Variants in CCDC171 observed in about 807,000 individuals in gnomAD.
CCDC171 encodes the protein coiled-coil domain containing 171, also known as coiled-coil domain-containing protein 171.
A neutral mutation model predicts 168.2 loss-of-function variants in CCDC171; 177 were observed. That is an observed-to-expected ratio of 1.05 (90% CI 0.93 to 1.19). The LOEUF (loss-of-function observed/expected upper bound fraction) is 1.19, where lower values mean the gene tolerates loss of function less well. Among genes scored for constraint, CCDC171 ranks in the 50% most tolerant of loss-of-function variants. The probability of loss-of-function intolerance (pLI) is 0.00; values close to 1 mark genes in which losing one functional copy is unlikely to be tolerated. For missense variants in CCDC171, 1,991 were observed against 1,539.0 expected, an observed-to-expected ratio of 1.29 and a Z score of -4.91; for synonymous variants, 687 against 540.8, an observed-to-expected ratio of 1.27 and a Z score of -3.75.
chr9:15,613,509 T>C (rs1564052297), intron 6 of CCDC171, among the ~76,000 whole-genome samples: 1 of 151,302 alleles, frequency 6.6e-6, no homozygotes, highest in Non-Finnish European at 1.5e-5. Context: ...TTGATTTGCA[T>C]TTTTCTTTTT....
At chr9:15,941,805 G>A (rs748976864) in intron 25 of CCDC171, among the ~76,000 whole-genome samples, 2 of 151,824 alleles carry the variant, frequency 1.3e-5, no homozygotes, top group African/African-American at 2.4e-5. Flanking sequence ...AGCATAAAAT[G>A]CAAAGAACTA....
intron 18 of CCDC171, among the ~76,000 whole-genome samples, chr9:15,756,665 T>G (rs1165385131): frequency 6.6e-6 from 1 of 152,184 alleles, no homozygotes; most frequent in Non-Finnish European, 1.5e-5. Context: ...TTAATTTGCT[T>G]AGGATAATGG....
chr9:15,608,538 C>G (rs2043390455), intron 6 of CCDC171, among the ~76,000 whole-genome samples: 1 of 151,886 alleles, frequency 6.6e-6, no homozygotes, highest in Non-Finnish European at 1.5e-5. Flanking sequence ...CTTAAATTTC[C>G]ACTTCCTTGA....
intron 3 of CCDC171, among the ~76,000 whole-genome samples, chr9:16,017,907 A>G (rs1833069829): frequency 6.6e-6 from 1 of 152,226 alleles, no homozygotes; most frequent in South Asian, 2.1e-4. Context: ...TGCCTCATGA[A>G]GCCATCACAA....
intron 10 of CCDC171, among the ~76,000 whole-genome samples, chr9:15,693,199 C>T (rs1367392513): frequency 2.1e-5 from 1 of 47,860 alleles, no homozygotes; most frequent in African/African-American, 6.9e-5. Context: ...TCTGCGTTTA[C>T]AAATAGGTAC....
At chr9:15,623,820 G>A (rs1017875340) in intron 7 of CCDC171, among the ~76,000 whole-genome samples, 1 of 152,182 alleles carries the variant, frequency 6.6e-6, no homozygotes, top group African/African-American at 2.4e-5. Flanking sequence ...TTTGAATCAT[G>A]TATGGTTTTG....
chr9:15,598,782 C>CT (rs1236564234), intron 6 of CCDC171, among the ~76,000 whole-genome samples: 4 of 152,276 alleles, frequency 2.6e-5, no homozygotes, highest in African/African-American at 9.6e-5. Flanking sequence ...GTGTGGGAGT[C>CT]TAAGTCCTTT....
At chr9:16,007,769 C>A (rs1313450087) in intron 3 of CCDC171, among the ~76,000 whole-genome samples, 1 of 152,174 alleles carries the variant, frequency 6.6e-6, no homozygotes, top group Non-Finnish European at 1.5e-5. Context: ...TCTGAGGGCT[C>A]TGTTCTGTTC....
chr9:15,608,118 C>G (rs976975700), intron 6 of CCDC171, among the ~76,000 whole-genome samples: 4 of 152,222 alleles, frequency 2.6e-5, no homozygotes, highest in South Asian at 4.2e-4. Context: ...GCCACCAGTT[C>G]TACTGCCATG....
intron 10 of CCDC171, among the ~76,000 whole-genome samples, chr9:15,690,170 A>G (rs2050689294): frequency 6.6e-6 from 1 of 152,186 alleles, no homozygotes; most frequent in Non-Finnish European, 1.5e-5. Context: ...TAGTAGGGAC[A>G]ACACTGTTCT....
intron 9 of CCDC171, among the ~76,000 whole-genome samples, chr9:15,674,200 G>C (rs180900853): frequency 1.1e-4 from 16 of 152,178 alleles, no homozygotes; most frequent in Admixed American, 9.2e-4. Flanking sequence ...GGGATCGGTG[G>C]TGAGATCCCC....
intron 3 of CCDC171, among the ~76,000 whole-genome samples, chr9:15,994,641 A>G (rs1335082377): frequency 6.6e-6 from 1 of 152,208 alleles, no homozygotes; most frequent in Non-Finnish European, 1.5e-5. Context: ...TTCTGTTAAG[A>G]ATTCACACTG....
chr9:15,990,985 T>G (rs1265826719), intron 3 of CCDC171, among the ~76,000 whole-genome samples: 2 of 152,196 alleles, frequency 1.3e-5, no homozygotes, highest in African/African-American at 4.8e-5. Context: ...TGGGAGACTT[T>G]AACACCCCGC....
intron 3 of CCDC171, among the ~76,000 whole-genome samples, chr9:15,993,471 G>C (rs556143237): frequency 6.6e-6 from 1 of 152,180 alleles, no homozygotes; most frequent in South Asian, 2.1e-4. Context: ...TTAAATGGTA[G>C]GCCTAAACCC....
intron 3 of CCDC171, among the ~76,000 whole-genome samples, chr9:15,575,374 A>C (rs1282731004): frequency 3.3e-5 from 5 of 151,976 alleles, no homozygotes. Context: ...TGGTTTTGCC[A>C]TGTTGTCCAG....
At position 15,920,293 on chromosome 9, in the gene CCDC171, T is replaced by C; in HGVS notation, c.3624T>C (p.Asp1208=). The C allele has an allele frequency of 6.3e-7, 1 of 1,596,502 alleles. No individual in the cohort carries two copies. The highest frequency in any genetic ancestry group is 8.6e-7 in the Non-Finnish European group (1 of 1,169,554). ...ACQAMIKSFM[D]VYQLASTRIM... ...AGGCTATGATTAAAAGTTTCATGGA[T>C]GTCTACCAGCTTGCAAGCACTAGAA... The change falls in exon 25 of 26, where the codon GAT becomes GAC. Residue 1208 remains aspartate (D), a synonymous_variant. Transcript: ENST00000380701.
chr9:15,737,167 A>G (rs2054551361), intron 16 of CCDC171, among the ~76,000 whole-genome samples: 1 of 152,012 alleles, frequency 6.6e-6, no homozygotes, highest in South Asian at 2.1e-4. Flanking sequence ...TACATAATTT[A>G]GTTAATATTA....
chr9:15,942,386 T>C (rs1250235331), intron 25 of CCDC171, among the ~76,000 whole-genome samples: 1 of 151,928 alleles, frequency 6.6e-6, no homozygotes, highest in Non-Finnish European at 1.5e-5. Flanking sequence ...AATAAGGTCG[T>C]CTGGTATGTC....
At chr9:15,691,263 C>G (rs1398446034) in intron 10 of CCDC171, among the ~76,000 whole-genome samples, 1 of 151,726 alleles carries the variant, frequency 6.6e-6, no homozygotes, top group Non-Finnish European at 1.5e-5. Flanking sequence ...GAGTACTATA[C>G]AGCTAAAAAA....
Sources: gnomAD v4.1 joint callset for allele counts (sites outside exome capture counted in the v4.1 genomes callset) on GRCh38, gnomAD v4.1.1 for gene constraint, MANE v1.5 for transcripts, NCBI Gene and HGNC (gene_info 2026-07-23, HGNC 2026-07-21) for gene names.